Variants in TUNAR observed in about 807,000 individuals in gnomAD.
The protein encoded by TUNAR is transmembrane neural differentiation associated intracellular calcium regulator.
At chr14:95,903,253 T>C (rs1419015394) in intron 2 of TUNAR, among the ~76,000 whole-genome samples, 1 of 152,220 alleles carries the variant, frequency 6.6e-6, no homozygotes, top group Non-Finnish European at 1.5e-5. Context: ...CTCTCTTCTG[T>C]TGTTGCAAGC....
chr14:95,901,403 C>A (rs887486501), intron 2 of TUNAR, among the ~76,000 whole-genome samples: 1 of 152,232 alleles, frequency 6.6e-6, no homozygotes, highest in Non-Finnish European at 1.5e-5. Context: ...TTCAGACCCT[C>A]CTTCTGTAAG....
At chr14:95,915,337 C>CAGCCT (rs1889584720) in intron 2 of TUNAR, among the ~76,000 whole-genome samples, 1 of 152,182 alleles carries the variant, frequency 6.6e-6, no homozygotes. Flanking sequence ...GGGCAAAAGT[C>CAGCCT]AGCCTGGCTG....
chr14:95,887,361 C>T (rs1889094857), intron 2 of TUNAR, among the ~76,000 whole-genome samples: 1 of 152,216 alleles, frequency 6.6e-6, no homozygotes, highest in Non-Finnish European at 1.5e-5. Context: ...GGGACTTGTG[C>T]AGCGGTCAGT....
At chr14:95,924,559 A>C (rs537640627) in exon 3 of TUNAR, 1 of 152,482 alleles carries the variant, frequency 6.6e-6, no homozygotes, top group Admixed American at 6.5e-5. Flanking sequence ...TTGGACTTAC[A>C]GTTCCACGTG....
intron 2 of TUNAR, among the ~76,000 whole-genome samples, chr14:95,883,405 C>A (rs1889013717): frequency 6.6e-6 from 1 of 152,232 alleles, no homozygotes; most frequent in Admixed American, 6.5e-5. Context: ...ACCCCCCCAA[C>A]ACACACCATC....
At chr14:95,891,555 C>T (rs1236447647) in intron 2 of TUNAR, among the ~76,000 whole-genome samples, 1 of 152,218 alleles carries the variant, frequency 6.6e-6, no homozygotes, top group Non-Finnish European at 1.5e-5. Context: ...CCCAGGGCCA[C>T]ACGGCTCCTG....
intron 2 of TUNAR, among the ~76,000 whole-genome samples, chr14:95,916,313 A>C (rs1008973873): frequency 6.6e-6 from 1 of 152,156 alleles, no homozygotes; most frequent in Non-Finnish European, 1.5e-5. Flanking sequence ...TCACACTTGT[A>C]TCTCCATATA....
At chr14:95,882,627 T>C (rs1451524221) in intron 2 of TUNAR, among the ~76,000 whole-genome samples, 1 of 152,132 alleles carries the variant, frequency 6.6e-6, no homozygotes, top group Non-Finnish European at 1.5e-5. Context: ...CAAGGTCAGG[T>C]GGTGGTCTTG....
intron 2 of TUNAR, among the ~76,000 whole-genome samples, chr14:95,877,882 G>C (rs1305705808): frequency 5.9e-5 from 9 of 152,210 alleles, no homozygotes; most frequent in Admixed American, 5.9e-4. Flanking sequence ...TCAGGTGAGA[G>C]GATAATATGT....
intron 2 of TUNAR, among the ~76,000 whole-genome samples, chr14:95,906,903 C>G (rs925641583): frequency 6.6e-6 from 1 of 152,220 alleles, no homozygotes. Context: ...ATCCCTTTCT[C>G]TTCCACCACC....
intron 2 of TUNAR, among the ~76,000 whole-genome samples, chr14:95,906,754 A>AATTGC (rs1318803111): frequency 6.6e-6 from 1 of 152,156 alleles, no homozygotes; most frequent in African/African-American, 2.4e-5. Context: ...GGTAGGTTTG[A>AATTGC]ATTGCTTTGT....
intron 2 of TUNAR, among the ~76,000 whole-genome samples, chr14:95,920,386 A>G (rs1427769195): frequency 2.6e-5 from 4 of 152,168 alleles, no homozygotes; most frequent in Admixed American, 6.5e-5. Context: ...ACTTTCCTGT[A>G]TGTTTACTAT....
intron 2 of TUNAR, among the ~76,000 whole-genome samples, chr14:95,880,109 G>T (rs1458926644): frequency 1.3e-5 from 2 of 152,176 alleles, no homozygotes; most frequent in African/African-American, 4.8e-5. Flanking sequence ...TGCTGGGTCT[G>T]GGTTTACATA....
intron 2 of TUNAR, among the ~76,000 whole-genome samples, chr14:95,893,887 C>A (rs1475894358): frequency 6.6e-6 from 1 of 152,252 alleles, no homozygotes; most frequent in African/African-American, 2.4e-5. Context: ...TGGGCACATG[C>A]CCGGTCTTTC....
intron 2 of TUNAR, among the ~76,000 whole-genome samples, chr14:95,879,356 T>G (rs1888941251): frequency 6.6e-6 from 1 of 152,222 alleles, no homozygotes; most frequent in South Asian, 2.1e-4. Flanking sequence ...CATAGGGATC[T>G]GCAAAGGAAA....
intron 2 of TUNAR, among the ~76,000 whole-genome samples, chr14:95,909,727 G>T (rs1324572974): frequency 6.6e-6 from 1 of 152,116 alleles, no homozygotes; most frequent in African/African-American, 2.4e-5. Context: ...CCAGGCTCAG[G>T]GGCCAGAGGA....
chr14:95,883,156 C>T (rs1439047324), intron 2 of TUNAR, among the ~76,000 whole-genome samples: 2 of 152,236 alleles, frequency 1.3e-5, no homozygotes, highest in Non-Finnish European at 2.9e-5. Context: ...TGGAAAAATA[C>T]ACCCGACTTC....
chr14:95,891,110 G>A (rs576449515), intron 2 of TUNAR, among the ~76,000 whole-genome samples: 6 of 152,356 alleles, frequency 3.9e-5, no homozygotes, highest in South Asian at 4.1e-4. Context: ...ACTAACATTC[G>A]CAAATTAGAA....
intron 2 of TUNAR, among the ~76,000 whole-genome samples, chr14:95,884,827 C>G: frequency 6.6e-6 from 1 of 152,190 alleles, no homozygotes; most frequent in East Asian, 1.9e-4. Flanking sequence ...CCGACTGCCG[C>G]TCTTGCTTAC....
Sources: gnomAD v4.1 joint callset for allele counts (sites outside exome capture counted in the v4.1 genomes callset) on GRCh38, gnomAD v4.1.1 for gene constraint, MANE v1.5 for transcripts, NCBI Gene and HGNC (gene_info 2026-07-23, HGNC 2026-07-21) for gene names.